Variants in TMEM39B observed in about 807,000 individuals in gnomAD.
TMEM39B encodes transmembrane protein 39B.
TMEM39B carries 23 observed loss-of-function variants against 52.2 expected under a neutral mutation model. The observed-to-expected ratio is 0.44, with a 90% confidence interval of 0.32 to 0.62. TMEM39B has a LOEUF of 0.62. Among genes scored for constraint, TMEM39B ranks in the 20% least tolerant of loss-of-function variants. The pLI is 0.06. For missense variants in TMEM39B, 547 were observed against 642.0 expected, an observed-to-expected ratio of 0.85 and a Z score of 1.60; for synonymous variants, 285 against 264.0, an observed-to-expected ratio of 1.08 and a Z score of -0.77.
intron 5 of TMEM39B, among the ~76,000 whole-genome samples, chr1:32,091,270 A>G (rs1033181714): frequency 6.6e-6 from 1 of 151,994 alleles, no homozygotes; most frequent in Admixed American, 6.6e-5. Context: ...TGAAAAGGGG[A>G]CAAAATAACA....
chr1:32,079,219 C>T (rs1293699197), intron 5 of TMEM39B, among the ~76,000 whole-genome samples: 13 of 144,744 alleles, frequency 9.0e-5, no homozygotes, highest in Non-Finnish European at 1.4e-4. Context: ...GAGTCTCGCT[C>T]TGTCGCCCAG....
At chr1:32,079,850 G>A (rs909328189) in intron 5 of TMEM39B, among the ~76,000 whole-genome samples, 2 of 151,220 alleles carry the variant, frequency 1.3e-5, no homozygotes, top group Non-Finnish European at 3.0e-5. Flanking sequence ...GCTCACTGCA[G>A]CCTCCAACTC....
intron 5 of TMEM39B, among the ~76,000 whole-genome samples, chr1:32,080,261 T>C (rs1557913758): frequency 6.6e-6 from 1 of 152,194 alleles, no homozygotes; most frequent in Non-Finnish European, 1.5e-5. Context: ...GTGTCCAGTA[T>C]CTCTGCACAG....
At chr1:32,101,284 G>A (rs1641009477) in intron 8 of TMEM39B, among the ~76,000 whole-genome samples, 1 of 152,120 alleles carries the variant, frequency 6.6e-6, no homozygotes, top group South Asian at 2.1e-4. Flanking sequence ...AATCAGCTAA[G>A]AGAGTTTAAC....
At chr1:32,078,379 A>C (rs531574936) in intron 5 of TMEM39B, among the ~76,000 whole-genome samples, 52 of 152,160 alleles carry the variant, frequency 3.4e-4, no homozygotes, top group Non-Finnish European at 4.6e-4. Context: ...GCTACTCAGG[A>C]AGCTGAGGTG....
At position 32,094,783 on chromosome 1, in the gene TMEM39B, G is replaced by T. The variant is rs770716702; in HGVS notation, c.928-1G>T. The T allele has an allele frequency of 1.2e-6, 2 of 1,614,128 alleles. No homozygotes were observed. The highest frequency in any genetic ancestry group is 1.7e-6 in the Non-Finnish European group (2 of 1,180,002). On this transcript the variant is annotated splice_acceptor_variant, in intron 6 of 8. Transcript: ENST00000336294. LOFTEE classifies it high-confidence loss of function. ...CCTCACCCACCTTCTGCTACCCCCAGAACACACATTACTATGACAAGCGCT... is the reference window on the plus strand; with the variant it reads ...CCTCACCCACCTTCTGCTACCCCCATAACACACATTACTATGACAAGCGCT...
At position 32,094,903 on chromosome 1, in the gene TMEM39B, G is replaced by C; in HGVS notation, c.1047G>C (p.Lys349Asn). ...LPASYCDLLH[K>N]AAAHLGCWQK... is the part of the protein sequence containing the mutation. ...CCAGCTACTGTGACCTGCTGCACAAGGCCGCCGCCCATCTGGGCTGTTGGC... is the reference window on the plus strand; with the variant it reads ...CCAGCTACTGTGACCTGCTGCACAACGCCGCCGCCCATCTGGGCTGTTGGC... Residue 349 changes from lysine to asparagine, a missense_variant, in exon 7 of 9, where the codon AAG becomes AAC. By Grantham distance (94) the Lys-to-Asn change is moderately conservative. Coordinates refer to ENST00000336294, the MANE Select transcript of TMEM39B (RefSeq NM_018056.4). 1 of 1,614,046 alleles carries C rather than the reference G, an allele frequency of 6.2e-7. No individual in the cohort carries two copies. Among genetic ancestry groups the C allele is most frequent in the African/African-American group, 1.3e-5 (1 of 75,058 alleles).
intron 1 of TMEM39B, chr1:32,073,299 A>G: frequency 2.1e-6 from 1 of 470,064 alleles, no homozygotes; most frequent in Non-Finnish European, 3.5e-6. Flanking sequence ...TTTCGTGAGG[A>G]CCAGCTCGTC....
chr1:32,073,438 C>A, intron 1 of TMEM39B: 1 of 614,074 alleles, frequency 1.6e-6, no homozygotes, highest in Non-Finnish European at 2.1e-6. Context: ...GGCGGTGGAG[C>A]GGGGAGACTT....
At chr1:32,083,994 GACACAC>G (rs59029097) in intron 5 of TMEM39B, among the ~76,000 whole-genome samples, 1 of 150,416 alleles carries the variant, frequency 6.6e-6, no homozygotes, top group Non-Finnish European at 1.5e-5. Context: ...CAGACACACA[GACACAC>G]ACACACACAC....
Position 32,091,978 on chromosome 1 carries a change from C to T in TMEM39B, c.894C>T (p.Tyr298=). 6.2e-7 allele frequency: 1 copy of T among 1,614,134 alleles called. No individual in the cohort carries two copies. The highest frequency in any genetic ancestry group is 8.5e-7 in the Non-Finnish European group (1 of 1,180,008). ...TCGTCAGCTCCATGCTGAGCGCCTACTATGTGGCCTTTGTGCCTGTCTGGT... is the reference window on the plus strand; with the variant it reads ...TCGTCAGCTCCATGCTGAGCGCCTATTATGTGGCCTTTGTGCCTGTCTGGT... ...EVLVSSMLSA[Y]YVAFVPVWFV... The change falls in exon 6 of 9, where the codon TAC becomes TAT. Residue 298 remains tyrosine, a synonymous_variant. Coordinates refer to ENST00000336294, the MANE Select transcript of TMEM39B (RefSeq NM_018056.4).
intron 6 of TMEM39B, among the ~76,000 whole-genome samples, chr1:32,093,374 T>C (rs929518068): frequency 2.9e-5 from 4 of 137,156 alleles, no homozygotes; most frequent in Non-Finnish European, 6.2e-5. Context: ...GCAGGAATTA[T>C]AGCCATGAGC....
intron 7 of TMEM39B, among the ~76,000 whole-genome samples, chr1:32,097,929 G>A (rs1375523935): frequency 6.6e-6 from 1 of 152,110 alleles, no homozygotes; most frequent in Admixed American, 6.6e-5. Flanking sequence ...ACCGTGCCCG[G>A]CCCCCAACTT....
chr1:32,089,004 T>C (rs1640495089), intron 5 of TMEM39B, among the ~76,000 whole-genome samples: 1 of 151,988 alleles, frequency 6.6e-6, no homozygotes, highest in Non-Finnish European at 1.5e-5. Flanking sequence ...AGAAAACTAG[T>C]GTAATACCTT....
rs1472007641 is a variant in TMEM39B at position 32,094,976 on chromosome 1, G to A, written c.1115+5G>A. 6.2e-7 allele frequency: 1 copy of A among 1,612,626 alleles called. No homozygotes were observed. Among genetic ancestry groups the A allele is most frequent in the Middle Eastern group, 1.7e-4 (1 of 6,036 alleles). On this transcript the variant is annotated splice_donor_5th_base_variant and intron_variant, in intron 7 of 8. Coordinates refer to ENST00000336294, the MANE Select transcript of TMEM39B (RefSeq NM_018056.4). ...CTCCAACGTGCTGCAGCACCCGTGA[G>A]TCACCCTACCCTGCTCAACCCAATC...
At position 32,079,909 on chromosome 1, in the gene TMEM39B, A is replaced by T. The variant is rs191202761; in HGVS notation, c.590+2591A>T. Reference sequence around the variant, plus strand: ...CTCAGCCTCCCAAGTAGCTGAGACTACAGGCATGCTCCACCAAGCCCAGCT... The same window carrying T: ...CTCAGCCTCCCAAGTAGCTGAGACTTCAGGCATGCTCCACCAAGCCCAGCT... On this transcript the variant is annotated intron_variant, in intron 5 of 8. Coordinates refer to ENST00000336294, the MANE Select transcript of TMEM39B (RefSeq NM_018056.4). Among the ~76,000 whole-genome samples the T allele has an allele frequency of 5.1e-4, 78 of 152,100 alleles. 2 individuals are homozygous for T. Among genetic ancestry groups the T allele is most frequent in the African/African-American group, 1.7e-3 (72 of 41,534 alleles).
At chr1:32,081,971 T>G (rs1484850903) in intron 5 of TMEM39B, among the ~76,000 whole-genome samples, 1 of 152,132 alleles carries the variant, frequency 6.6e-6, no homozygotes, top group African/African-American at 2.4e-5. Flanking sequence ...TACACACATA[T>G]GCAAGTATAT....
intron 8 of TMEM39B, among the ~76,000 whole-genome samples, chr1:32,100,966 G>A (rs189621720): frequency 1.3e-5 from 2 of 152,246 alleles, no homozygotes; most frequent in East Asian, 3.9e-4. Context: ...AGGAGACGGA[G>A]GTTGCAGTGA....
chr1:32,073,232 G>A, intron 1 of TMEM39B, 181 bp downstream of exon 1: 1 of 741,432 alleles, frequency 1.3e-6, no homozygotes, highest in Admixed American at 4.2e-5. Context: ...TGTTGTGGGG[G>A]CGGGACATTG....
Sources: allele counts gnomAD v4.1 joint callset (sites outside exome capture counted in the v4.1 genomes callset), GRCh38; gene constraint gnomAD v4.1.1; transcripts MANE v1.5; gene names NCBI Gene and HGNC (gene_info 2026-07-23, HGNC 2026-07-21).